SMG7: variants seen among roughly 807,000 people sequenced by gnomAD.
SMG7 encodes nonsense-mediated mRNA decay factor SMG7.
Under a neutral mutation model 148.2 loss-of-function variants are expected in SMG7, and 34 were observed. That is an observed-to-expected ratio of 0.23 (90% CI 0.17 to 0.31). The LOEUF is 0.31. Among genes scored for constraint, SMG7 ranks in the 10% least tolerant of loss-of-function variants. SMG7 has a pLI of 1.00. For synonymous variants in SMG7, 492 were observed against 515.1 expected, an observed-to-expected ratio of 0.96 and a Z score of 0.61; for missense variants, 1,114 against 1,408.4, an observed-to-expected ratio of 0.79 and a Z score of 3.35.
At chr1:183,477,700 A>T (rs1326210243) in intron 1 of SMG7, among the ~76,000 whole-genome samples, 3 of 149,202 alleles carry the variant, frequency 2.0e-5, no homozygotes, top group Admixed American at 2.0e-4. Flanking sequence ...ATGTGTATAT[A>T]TGCATATATA....
chr1:183,526,469 T>TG (rs1400764836), intron 4 of SMG7, 127 bp from the exon 5 acceptor site: 1 of 623,718 alleles, frequency 1.6e-6, no homozygotes, highest in African/African-American at 1.9e-5. Flanking sequence ...GATTACCATA[T>TG]AATTTTCATG....
chr1:183,478,752 AT>A (rs10712460), intron 1 of SMG7, among the ~76,000 whole-genome samples: 13,024 of 152,208 alleles, frequency 0.086, 783 homozygotes, highest in Middle Eastern at 0.19. Flanking sequence ...AGCCTTTCAA[AT>A]TTTTGTATTA....
chr1:183,472,694 G>A (rs1470437498), intron 1 of SMG7, 45 bp downstream of exon 1: 2 of 1,445,652 alleles, frequency 1.4e-6, no homozygotes, highest in South Asian at 1.4e-5. Flanking sequence ...GCGGGCCGCA[G>A]GTTGGGGCAT....
chr1:183,536,398 G>A (rs559297562), intron 10 of SMG7, among the ~76,000 whole-genome samples: 6 of 152,092 alleles, frequency 3.9e-5, no homozygotes, highest in African/African-American at 1.4e-4. Flanking sequence ...TAATACATCA[G>A]ATTTATAAAT....
intron 2 of SMG7, among the ~76,000 whole-genome samples, chr1:183,513,920 C>T (rs1571926508): frequency 1.3e-5 from 2 of 151,162 alleles, no homozygotes; most frequent in African/African-American, 4.9e-5. Flanking sequence ...ATCCCAGCTA[C>T]TCTGGAGGCT....
At position 183,542,494 on chromosome 1, in the gene SMG7, G is replaced by A. The variant is rs1368459620; in HGVS notation, c.1834G>A (p.Ala612Thr). Residue 612 changes from alanine (A) to threonine (T), a missense_variant, in exon 14 of 23, where the codon GCA becomes ACA. Transcript: ENST00000688051. ...ACAGGAAACAGGAAAGCAGAATGTG[G>A]CAGTGCAGGTAAGCTGTATTTGAAC... is the stretch of plus-strand genomic sequence containing the variant. ...KLQETGKQNV[A>T]VQVKSQTELR... 6.2e-7 allele frequency: 1 copy of A among 1,612,714 alleles called. No individual in the cohort carries two copies.
intron 1 of SMG7, among the ~76,000 whole-genome samples, chr1:183,481,899 G>A (rs1654217965): frequency 6.6e-6 from 1 of 151,104 alleles, no homozygotes; most frequent in African/African-American, 2.4e-5. Flanking sequence ...GGCCTTAAGT[G>A]ATCCTCTTGC....
chr1:183,545,896 A>AT, intron 16 of SMG7, 70 bp from the exon 17 acceptor site: 1 of 1,495,602 alleles, frequency 6.7e-7, no homozygotes, highest in Non-Finnish European at 9.0e-7. Flanking sequence ...TCATTCTGTG[A>AT]TTCTTTAGCA....
At position 183,549,840 on chromosome 1, in the gene SMG7, G is replaced by A. The variant is rs1202399854; in HGVS notation, c.3050G>A (p.Ser1017Asn). The change falls in exon 20 of 23, where the codon AGT becomes AAT. Residue 1017 changes from serine (S) to asparagine (N), a missense_variant. Around this residue, in one of 4 missense-constraint regions of SMG7, gnomAD observed 788 missense variants for 894.5 expected, o/e 0.88. Coordinates refer to ENST00000688051, the MANE Select transcript of SMG7 (RefSeq NM_001375584.1). ...ACATCCAGCTCCAAAGCAGAACTCA[G>A]TCCCTCAATGGCCCCCCAGGAAACA... Reference protein sequence around the residue: ...NLTSSSKAELSPSMAPQETSL... With the variant: ...NLTSSSKAELNPSMAPQETSL... 3 of 1,613,684 alleles carry A rather than the reference G, an allele frequency of 1.9e-6. No individual in the cohort carries two copies. The highest frequency in any genetic ancestry group is 2.7e-5 in the African/African-American group (2 of 74,918).
intron 1 of SMG7, among the ~76,000 whole-genome samples, chr1:183,499,264 C>T (rs952413503): frequency 6.6e-6 from 1 of 152,112 alleles, no homozygotes; most frequent in Non-Finnish European, 1.5e-5. Flanking sequence ...GTTTTCAGCT[C>T]AATTGAATAA....
At chr1:183,479,723 C>T (rs1653605438) in intron 1 of SMG7, among the ~76,000 whole-genome samples, 1 of 152,066 alleles carries the variant, frequency 6.6e-6, no homozygotes, top group African/African-American at 2.4e-5. Flanking sequence ...AAAAGAAAGA[C>T]ATTTAAGTAG....
At chr1:183,544,266 T>C in intron 14 of SMG7, 87 bp from the exon 15 acceptor site, 1 of 1,052,390 alleles carries the variant, frequency 9.5e-7, no homozygotes, top group East Asian at 2.4e-5. Flanking sequence ...TAATGAGGTT[T>C]TAAATACTTT....
chr1:183,516,567 T>G (rs1304416893), intron 3 of SMG7, among the ~76,000 whole-genome samples: 3 of 152,244 alleles, frequency 2.0e-5, no homozygotes, highest in Non-Finnish European at 4.4e-5. Context: ...AGTAATTGTC[T>G]TTTGTGGAAG....
intron 14 of SMG7, 60 bp downstream of exon 14, chr1:183,542,562 T>C (rs1669066824): frequency 7.0e-7 from 1 of 1,423,618 alleles, no homozygotes; most frequent in African/African-American, 1.4e-5. Flanking sequence ...GGCAAGATTT[T>C]TCATTTTGTT....
chr1:183,496,065 T>C (rs1200264586), intron 1 of SMG7, among the ~76,000 whole-genome samples: 1 of 152,200 alleles, frequency 6.6e-6, no homozygotes, highest in African/African-American at 2.4e-5. Context: ...CTTTGTGGCA[T>C]TGGGCAAGTT....
At chr1:183,532,897 A>G (rs1274723833) in intron 8 of SMG7, among the ~76,000 whole-genome samples, 2 of 152,234 alleles carry the variant, frequency 1.3e-5, no homozygotes, top group African/African-American at 4.8e-5. Context: ...ATATTTAAAA[A>G]TATATAGTTT....
At chr1:183,488,326 CTATT>C (rs1470680453) in intron 1 of SMG7, among the ~76,000 whole-genome samples, 1 of 151,882 alleles carries the variant, frequency 6.6e-6, no homozygotes, top group Non-Finnish European at 1.5e-5. Flanking sequence ...CCACATATGG[CTATT>C]TAAATGCATT....
At position 183,544,468 on chromosome 1, in the gene SMG7, G is replaced by T. The variant is rs1669523400; in HGVS notation, c.1958G>T (p.Gly653Val). Residue 653 changes from glycine (G) to valine (V), a missense_variant, in exon 15 of 23, where the codon GGA (glycine) becomes GTA (valine). By Grantham distance (109) the Gly-to-Val change is moderately radical. Transcript: ENST00000688051. The part of the protein sequence containing the change: ...NSQFIPIHHP[G>V]AFPPLPSRPG... ...CAGTTCATCCCCATTCATCACCCTG[G>T]AGCCTTCCCTCCTCTTCCCAGCAGG... 6.2e-7 allele frequency: 1 copy of T among 1,613,722 alleles called. No individual in the cohort carries two copies. Among genetic ancestry groups the T allele is most frequent in the Admixed American group, 1.7e-5 (1 of 59,988 alleles).
intron 3 of SMG7, among the ~76,000 whole-genome samples, chr1:183,517,475 G>A (rs189770989): frequency 1.1e-4 from 17 of 152,266 alleles, no homozygotes; most frequent in Non-Finnish European, 1.6e-4. Flanking sequence ...CGAACATTTG[G>A]TAAGTGTTTA....
Sources: allele counts gnomAD v4.1 joint callset (sites outside exome capture counted in the v4.1 genomes callset), GRCh38; gene constraint gnomAD v4.1.1; regional missense constraint gnomAD v4.1.1; transcripts MANE v1.5; gene names NCBI Gene and HGNC (gene_info 2026-07-23, HGNC 2026-07-21).